Variants in GTF2E1 observed in about 807,000 individuals in gnomAD.
The protein encoded by GTF2E1 is general transcription factor IIE subunit 1.
A neutral mutation model predicts 34.9 loss-of-function variants in GTF2E1; 14 were observed. The observed-to-expected ratio is 0.40, with a 90% CI of 0.27 to 0.63. The LOEUF (loss-of-function observed/expected upper bound fraction) is 0.63, where lower values mean the gene tolerates loss of function less well. GTF2E1 is among the 20% of genes least tolerant of loss of function. GTF2E1 has a pLI of 0.39. For missense variants in GTF2E1, 469 were observed against 557.7 expected (o/e 0.84, Z 1.60); for synonymous variants, 188 against 192.9 (o/e 0.97, Z 0.21).
intron 2 of GTF2E1, among the ~76,000 whole-genome samples, chr3:120,754,722 C>A (rs531717295): frequency 3.9e-4 from 59 of 151,960 alleles, no homozygotes; most frequent in African/African-American, 1.4e-3. Context: ...AATTCGGGAG[C>A]CCCTTTTACT....
chr3:120,770,938 A>G lies in GTF2E1; in HGVS notation c.650+9A>G. 1.9e-6 allele frequency: 3 copies of G among 1,609,000 alleles called. No individual in the cohort carries two copies. Among genetic ancestry groups the G allele is most frequent in the East Asian group, 2.2e-5 (1 of 44,854 alleles). On this transcript the variant is annotated intron_variant, in intron 3 of 4. Transcript: ENST00000283875. Reference sequence around the variant, plus strand: ...CCAGCCCTGAAACAGAGGTGAGTGTAGGCCCTGTGCTCTTACTAAGAACAC... The same window carrying G: ...CCAGCCCTGAAACAGAGGTGAGTGTGGGCCCTGTGCTCTTACTAAGAACAC...
At chr3:120,760,595 G>T (rs1013174931) in intron 2 of GTF2E1, among the ~76,000 whole-genome samples, 25 of 152,246 alleles carry the variant, frequency 1.6e-4, no homozygotes, top group Admixed American at 1.2e-3. Context: ...TTGAGATACA[G>T]TCCATCAATA....
chr3:120,749,764 C>CTA (rs1391164614), intron 1 of GTF2E1: 3 of 152,114 alleles, frequency 2.0e-5, no homozygotes, highest in Admixed American at 1.3e-4. Context: ...TTAAAGTAAA[C>CTA]TATATGCCAA....
At chr3:120,775,267 A>G (rs1417286060) in intron 3 of GTF2E1, among the ~76,000 whole-genome samples, 1 of 152,176 alleles carries the variant, frequency 6.6e-6, no homozygotes, top group East Asian at 1.9e-4. Flanking sequence ...GGGGCTCCAC[A>G]CAGGAGATAA....
intron 4 of GTF2E1, among the ~76,000 whole-genome samples, chr3:120,780,133 G>A (rs543360355): frequency 6.6e-6 from 1 of 152,250 alleles, no homozygotes; most frequent in South Asian, 2.1e-4. Flanking sequence ...TCACTCATTT[G>A]TCAGATGTTT....
intron 2 of GTF2E1, among the ~76,000 whole-genome samples, chr3:120,763,094 A>G (rs1194343541): frequency 2.0e-5 from 3 of 152,176 alleles, no homozygotes; most frequent in Non-Finnish European, 2.9e-5. Context: ...TATTTTTCCA[A>G]GCTCCCCAAT....
chr3:120,747,995 G>T (rs1319400987), intron 1 of GTF2E1, among the ~76,000 whole-genome samples: 11 of 151,734 alleles, frequency 7.2e-5, no homozygotes, highest in Non-Finnish European at 1.6e-4. Context: ...TTTCTCTGAT[G>T]GCCAGTGATG....
intron 1 of GTF2E1, among the ~76,000 whole-genome samples, chr3:120,745,372 G>A (rs1390126760): frequency 1.3e-5 from 2 of 152,098 alleles, no homozygotes; most frequent in Non-Finnish European, 2.9e-5. Context: ...GGTGTTTTAG[G>A]CAAAGGAAAC....
At chr3:120,745,314 G>T (rs980746184) in intron 1 of GTF2E1, among the ~76,000 whole-genome samples, 1 of 152,198 alleles carries the variant, frequency 6.6e-6, no homozygotes. Context: ...CTGTTGGATT[G>T]TAAAGTCCTC....
chr3:120,756,570 C>T (rs1003593617), intron 2 of GTF2E1, among the ~76,000 whole-genome samples: 2 of 151,984 alleles, frequency 1.3e-5, no homozygotes, highest in African/African-American at 4.8e-5. Context: ...ACCACAAAAC[C>T]TTTAGGTCTG....
At chr3:120,780,572 G>A (rs1709438047) in intron 4 of GTF2E1, among the ~76,000 whole-genome samples, 1 of 152,136 alleles carries the variant, frequency 6.6e-6, no homozygotes, top group Non-Finnish European at 1.5e-5. Context: ...CAGATGATGT[G>A]GGACCCTATA....
intron 1 of GTF2E1, among the ~76,000 whole-genome samples, chr3:120,745,199 CT>C (rs1357818849): frequency 6.6e-6 from 1 of 152,208 alleles, no homozygotes; most frequent in Admixed American, 6.5e-5. Flanking sequence ...ACTGTAGCCA[CT>C]GCACTTGGCT....
At chr3:120,749,659 C>A (rs1203588652) in intron 1 of GTF2E1, 1 of 152,054 alleles carries the variant, frequency 6.6e-6, no homozygotes, top group Non-Finnish European at 1.5e-5. Context: ...TTCGGTTTGC[C>A]AGTATTTTAT....
intron 2 of GTF2E1, among the ~76,000 whole-genome samples, chr3:120,764,704 C>T (rs1709292244): frequency 6.6e-6 from 1 of 152,124 alleles, no homozygotes; most frequent in South Asian, 2.1e-4. Flanking sequence ...TATCTGTGTC[C>T]TTTTTGTCAG....
At chr3:120,761,813 CGTA>C in intron 2 of GTF2E1, among the ~76,000 whole-genome samples, 1 of 127,988 alleles carries the variant, frequency 7.8e-6, no homozygotes, top group African/African-American at 3.1e-5. Flanking sequence ...TTTTTTGAGA[CGTA>C]GTCTCGCTCT....
At chr3:120,777,599 G>A (rs908826288) in intron 4 of GTF2E1, among the ~76,000 whole-genome samples, 2 of 152,136 alleles carry the variant, frequency 1.3e-5, no homozygotes, top group Admixed American at 6.5e-5. Flanking sequence ...TGAAGGTAAC[G>A]TGGAGTTTGG....
At chr3:120,757,502 CT>C (rs1187289470) in intron 2 of GTF2E1, among the ~76,000 whole-genome samples, 1 of 151,850 alleles carries the variant, frequency 6.6e-6, no homozygotes, top group Admixed American at 6.6e-5. Context: ...TTTCAAATTT[CT>C]TTTTATTATA....
At chr3:120,758,541 A>T (rs995406659) in intron 2 of GTF2E1, among the ~76,000 whole-genome samples, 44 of 151,856 alleles carry the variant, frequency 2.9e-4, no homozygotes, top group Non-Finnish European at 1.0e-4. Flanking sequence ...CATTTACGTT[A>T]GGTATTTCTC....
At chr3:120,765,890 G>C (rs1223763366) in intron 2 of GTF2E1, among the ~76,000 whole-genome samples, 2 of 151,968 alleles carry the variant, frequency 1.3e-5, no homozygotes, top group Non-Finnish European at 2.9e-5. Context: ...TTTTCTCTCT[G>C]TTGCCACATT....
Sources: gnomAD v4.1 joint callset for allele counts (sites outside exome capture counted in the v4.1 genomes callset) on GRCh38, gnomAD v4.1.1 for gene constraint, MANE v1.5 for transcripts, NCBI Gene and HGNC (gene_info 2026-07-23, HGNC 2026-07-21) for gene names.